Variants in FTO observed in about 807,000 individuals in gnomAD.
FTO encodes the protein FTO alpha-ketoglutarate dependent dioxygenase, also known as alpha-ketoglutarate-dependent dioxygenase FTO.
Under a neutral mutation model 63.9 loss-of-function variants are expected in FTO, and 47 were observed. The observed-to-expected ratio is 0.74, with a 90% CI of 0.58 to 0.94. FTO has a LOEUF of 0.94. Ranked by LOEUF, FTO falls within the 40% of genes least tolerant of loss-of-function variation. The pLI, the probability that FTO is intolerant of heterozygous loss-of-function variation, is 0.00. For synonymous variants in FTO, 207 were observed against 224.4 expected (o/e 0.92, Z 0.69); for missense variants, 562 against 618.1 (o/e 0.91, Z 0.96).
chr16:53,844,322 A>C (rs1024897991), intron 4 of FTO, 24 bp downstream of exon 4: 5 of 1,575,850 alleles, frequency 3.2e-6, no homozygotes, highest in Non-Finnish European at 3.5e-6. Flanking sequence ...AATCAAAATT[A>C]TATTGAAACT....
chr16:53,750,725 T>A (rs1162695111), intron 1 of FTO, among the ~76,000 whole-genome samples: 1 of 152,214 alleles, frequency 6.6e-6, no homozygotes, highest in Non-Finnish European at 1.5e-5. Flanking sequence ...GGATCACACT[T>A]AACCAAAATG....
intron 7 of FTO, among the ~76,000 whole-genome samples, chr16:53,925,191 T>C (rs972609004): frequency 6.6e-6 from 1 of 152,142 alleles, no homozygotes; most frequent in Non-Finnish European, 1.5e-5. Context: ...CTTTCCCAGC[T>C]GATAACATCT....
intron 8 of FTO, among the ~76,000 whole-genome samples, chr16:54,095,684 C>T (rs911830771): frequency 2.0e-5 from 3 of 152,164 alleles, no homozygotes; most frequent in Admixed American, 6.5e-5. Flanking sequence ...GAGGGGGTTA[C>T]TTGTCCTCCT....
chr16:53,986,133 C>G (rs1256648555), intron 8 of FTO, among the ~76,000 whole-genome samples: 1 of 152,216 alleles, frequency 6.6e-6, no homozygotes, highest in East Asian at 1.9e-4. Flanking sequence ...GACTATTCTA[C>G]TTTCGAAATA....
intron 1 of FTO, among the ~76,000 whole-genome samples, chr16:53,804,746 G>A (rs62033416): frequency 0.098 from 14,813 of 150,658 alleles, 921 homozygotes; most frequent in Middle Eastern, 0.26. Flanking sequence ...CACCCTAGAA[G>A]CTGGAATTAC....
intron 4 of FTO, among the ~76,000 whole-genome samples, chr16:53,851,423 C>G (rs1291516469): frequency 6.7e-6 from 1 of 149,694 alleles, no homozygotes; most frequent in African/African-American, 2.5e-5. Context: ...TGCACCACTG[C>G]ACTCCAGCCT....
chr16:53,962,286 G>GTA (rs2083100527), intron 8 of FTO, among the ~76,000 whole-genome samples: 2 of 152,156 alleles, frequency 1.3e-5, no homozygotes, highest in Non-Finnish European at 2.9e-5. Flanking sequence ...TGTGGTAGAA[G>GTA]TACTATGCTT....
At chr16:53,860,312 T>C (rs1453023462) in intron 4 of FTO, among the ~76,000 whole-genome samples, 4 of 152,124 alleles carry the variant, frequency 2.6e-5, no homozygotes, top group Non-Finnish European at 5.9e-5. Flanking sequence ...TTCCAAGGGT[T>C]TGAGGGATGT....
rs919766167 is a variant in FTO, at chr16:53,968,509, G to A, written c.1364+34400G>A. ...TCTAAAATCAGCAGGCCAAGTCTAG[G>A]ACTCGTGGCAGGCAGTCTTGAATTG... On this transcript the variant is annotated intron_variant, in intron 8 of 8. Coordinates refer to ENST00000471389, the MANE Select transcript of FTO (RefSeq NM_001080432.3). 4.6e-5 allele frequency among the ~76,000 whole-genome samples: 7 copies of A among 152,336 alleles called. No individual in the cohort carries two copies. The East Asian group carries it at 1.4e-3, about 29-fold the overall frequency.
chr16:53,844,642 G>T (rs2079569100), intron 4 of FTO, among the ~76,000 whole-genome samples: 1 of 129,466 alleles, frequency 7.7e-6, no homozygotes, highest in Admixed American at 8.2e-5. Context: ...TGTATTTTTA[G>T]TAGAGATGGG....
chr16:53,948,455 T>C (rs1485677603), intron 8 of FTO, among the ~76,000 whole-genome samples: 1 of 152,172 alleles, frequency 6.6e-6, no homozygotes, highest in Non-Finnish European at 1.5e-5. Context: ...AAAACACACG[T>C]GTGTGTGTAT....
At chr16:54,079,034 A>G (rs1406870555) in intron 8 of FTO, among the ~76,000 whole-genome samples, 2 of 152,204 alleles carry the variant, frequency 1.3e-5, no homozygotes, top group Admixed American at 6.5e-5. Context: ...TTATTTTTCA[A>G]TAGTTAAGAA....
In FTO at chr16:53,911,790, G is replaced by A. The variant is rs756789797; in HGVS notation, c.1240-22195G>A. 4.6e-5 allele frequency among the ~76,000 whole-genome samples: 7 copies of A among 152,202 alleles called. No individual in the cohort carries two copies. In the South Asian group the frequency reaches 1.4e-3, roughly 32 times the overall value. ...TTGTTGTATTAAATCACAAATGGGA[G>A]GCAATTTAGCAATGCATCTCTAAAA... On this transcript the variant is annotated intron_variant, in intron 7 of 8. Transcript: ENST00000471389.
At chr16:53,892,252 C>T (rs1331171927) in intron 7 of FTO, among the ~76,000 whole-genome samples, 2 of 151,798 alleles carry the variant, frequency 1.3e-5, no homozygotes, top group Non-Finnish European at 2.9e-5. Context: ...TTCTCAGTTG[C>T]AAGCAGTAGG....
At chr16:53,892,734 C>T (rs1218903061) in intron 7 of FTO, among the ~76,000 whole-genome samples, 2 of 152,168 alleles carry the variant, frequency 1.3e-5, no homozygotes, top group Non-Finnish European at 2.9e-5. Flanking sequence ...TCCCCTTTTG[C>T]TTATGAGTAA....
intron 8 of FTO, among the ~76,000 whole-genome samples, chr16:53,999,144 A>C (rs1246768198): frequency 1.3e-5 from 2 of 152,206 alleles, no homozygotes; most frequent in Non-Finnish European, 2.9e-5. Flanking sequence ...GACAGCCATC[A>C]TGGGGAATGC....
At chr16:54,065,079 C>G (rs1236273053) in intron 8 of FTO, among the ~76,000 whole-genome samples, 1 of 147,140 alleles carries the variant, frequency 6.8e-6, no homozygotes, top group African/African-American at 2.5e-5. Context: ...AGGCTGGGGA[C>G]AGCTGAGTGT....
At chr16:53,716,707 G>C (rs2075901987) in intron 1 of FTO, among the ~76,000 whole-genome samples, 1 of 151,798 alleles carries the variant, frequency 6.6e-6, no homozygotes, top group Non-Finnish European at 1.5e-5. Flanking sequence ...TGGTATGTGA[G>C]ATAGAGAAGC....
chr16:54,024,390 A>ATT (rs777282743), intron 8 of FTO, among the ~76,000 whole-genome samples: 1 of 147,166 alleles, frequency 6.8e-6, no homozygotes, highest in African/African-American at 2.5e-5. Flanking sequence ...CGCCCAGCTA[A>ATT]TTTTTTTTTT....
Sources: gnomAD v4.1 joint callset for allele counts (sites outside exome capture counted in the v4.1 genomes callset) on GRCh38, gnomAD v4.1.1 for gene constraint, MANE v1.5 for transcripts, NCBI Gene and HGNC (gene_info 2026-07-23, HGNC 2026-07-21) for gene names.